Variants in RAB27A observed in about 807,000 individuals in gnomAD.
RAB27A encodes ras-related protein Rab-27A.
In RAB27A, 17 loss-of-function variants were observed where a neutral mutation model predicts 20.8. That is an observed-to-expected ratio of 0.82 (90% CI 0.56 to 1.23). The LOEUF (loss-of-function observed/expected upper bound fraction) is 1.23. Among genes scored for constraint, RAB27A ranks in the 50% most tolerant of loss-of-function variants. RAB27A has a pLI of 0.00. For missense variants in RAB27A, 277 were observed against 266.7 expected (o/e 1.04, Z -0.27); for synonymous variants, 85 against 92.8 (o/e 0.92, Z 0.48).
At chr15:55,292,155 C>T (rs745880429), upstream of RAB27A, among the ~76,000 whole-genome samples, 4 of 152,160 alleles carry the variant, frequency 2.6e-5, no homozygotes, top group Non-Finnish European at 4.4e-5. Context: ...GTGAATAACC[C>T]TGCAATGATG....
intron 2 of RAB27A, among the ~76,000 whole-genome samples, chr15:55,255,958 C>A (rs1217122480): frequency 6.6e-6 from 1 of 152,212 alleles, no homozygotes; most frequent in Non-Finnish European, 1.5e-5. Flanking sequence ...GTGAGCCAGA[C>A]AGCTTCCCCA....
At chr15:55,209,692 C>T (rs991225651) in intron 6 of RAB27A, among the ~76,000 whole-genome samples, 4 of 149,918 alleles carry the variant, frequency 2.7e-5, no homozygotes, top group Non-Finnish European at 5.9e-5. Flanking sequence ...AGAAAACTTA[C>T]ATAAAACTTT....
intron 6 of RAB27A, among the ~76,000 whole-genome samples, chr15:55,219,038 A>C (rs754139153): frequency 3.9e-5 from 6 of 151,956 alleles, no homozygotes; most frequent in African/African-American, 4.8e-5. Context: ...CACCATGCCC[A>C]GCTTTAGATC....
intron 1 of RAB27A, 21 bp downstream of exon 1, chr15:55,289,695 C>T (rs570865873): frequency 5.6e-4 from 85 of 152,992 alleles, no homozygotes; most frequent in South Asian, 1.2e-3. Flanking sequence ...CGCGCGCCTC[C>T]CGCTCCTCAG....
Position 55,228,533 on chromosome 15 carries a change from G to C in RAB27A, c.343+76C>G, listed in dbSNP as rs922635835. 4 of 1,124,076 alleles carry C rather than the reference G, an allele frequency of 3.6e-6. No individual in the cohort carries two copies. In the African/African-American group the frequency reaches 4.6e-5, roughly 13 times the overall value. 69.6% of individuals were successfully genotyped at this position (1,124,076 alleles called of 1,614,324 possible). A position where few individuals can be genotyped will look rare whatever the true frequency, so the allele number is the denominator to read the frequency against. ...ATCTCCTCCAAAACGATTTGTCACA[G>C]AAGTAGAGCATAAGAGGGCATTCTA... is the stretch of plus-strand genomic sequence containing the variant. On this transcript the variant is annotated intron_variant, in intron 5 of 6. Coordinates refer to ENST00000336787, the MANE Select transcript of RAB27A (RefSeq NM_183235.3).
intron 1 of RAB27A, among the ~76,000 whole-genome samples, chr15:55,315,996 G>A (rs1270109274): frequency 1.3e-5 from 2 of 152,130 alleles, no homozygotes; most frequent in South Asian, 2.1e-4. Flanking sequence ...CACTTTGGGA[G>A]GCCGAAGCAG....
upstream of RAB27A, among the ~76,000 whole-genome samples, chr15:55,293,893 G>A (rs2054935545): frequency 6.6e-6 from 1 of 152,036 alleles, no homozygotes; most frequent in African/African-American, 2.4e-5. Flanking sequence ...CTCCAGCTTG[G>A]GTGATGAGTG....
At chr15:55,231,102 A>C (rs953421742) in intron 3 of RAB27A, among the ~76,000 whole-genome samples, 1 of 152,202 alleles carries the variant, frequency 6.6e-6, no homozygotes, top group African/African-American at 2.4e-5. Flanking sequence ...TAATTCACTG[A>C]GGATAATGGT....
intron 2 of RAB27A, among the ~76,000 whole-genome samples, chr15:55,300,738 G>C (rs28445247): frequency 6.6e-6 from 1 of 152,024 alleles, no homozygotes; most frequent in Non-Finnish European, 1.5e-5. Context: ...TAAAGGCAGG[G>C]GGCGAGGGCA....
At chr15:55,230,799 T>C (rs1896001847) in intron 3 of RAB27A, among the ~76,000 whole-genome samples, 1 of 152,190 alleles carries the variant, frequency 6.6e-6, no homozygotes, top group Non-Finnish European at 1.5e-5. Flanking sequence ...AATATTACTT[T>C]TCTATGGCTT....
chr15:55,246,008 C>T lies in RAB27A; in HGVS notation c.-22-11052G>A, dbSNP rs554531653. ...GTGAGGCAGGAGAATTACTTGAATC[C>T]GGTAGGTTCACGGGCGATAATGCCA... On this transcript the variant is annotated intron_variant, in intron 2 of 6. Coordinates refer to ENST00000336787, the MANE Select transcript of RAB27A (RefSeq NM_183235.3). 1.7e-4 allele frequency among the ~76,000 whole-genome samples: 26 copies of T among 151,988 alleles called. No individual in the cohort carries two copies. The South Asian group carries it at 3.7e-3, about 22-fold the overall frequency.
chr15:55,315,378 A>T (rs2055038468), intron 1 of RAB27A, among the ~76,000 whole-genome samples: 1 of 152,244 alleles, frequency 6.6e-6, no homozygotes, highest in African/African-American at 2.4e-5. Context: ...AGGCCACCAA[A>T]AAGCAATTGC....
intron 1 of RAB27A, among the ~76,000 whole-genome samples, chr15:55,318,707 A>AC (rs1238800084): frequency 8.3e-6 from 1 of 121,112 alleles, no homozygotes; most frequent in African/African-American, 4.3e-5. Flanking sequence ...GTCTCAAAAA[A>AC]AAAAACAAAA....
chr15:55,205,136 A>T lies in RAB27A; in HGVS notation c.*371T>A, dbSNP rs564516213. 2.2e-4 allele frequency: 63 copies of T among 282,332 alleles called. No homozygotes were observed. Among genetic ancestry groups the T allele is most frequent in the African/African-American group, 1.3e-3 (57 of 44,764 alleles). 17.5% of individuals were successfully genotyped at this position (282,332 alleles called of 1,614,324 possible). A position where few individuals can be genotyped will look rare whatever the true frequency, so the allele number is the denominator to read the frequency against. On this transcript the variant is annotated 3_prime_UTR_variant, in exon 7 of 7. Transcript: ENST00000336787. ...TTTTATAACTGCATGTAAGATCTTA[A>T]ATGTAAGACTCTGGGCCTACCTACA...
rs60106785 is a variant in RAB27A at position 55,275,918 on chromosome 15, T to TAAAAAAAAAAAAAAAAAAAA, written c.-142-5654_-142-5635dup. Among the ~76,000 whole-genome samples, 3 of 104,142 alleles carry TAAAAAAAAAAAAAAAAAAAA rather than the reference T, an allele frequency of 2.9e-5. 1 individual carries two copies. The highest frequency in any genetic ancestry group is 5.5e-5 in the Non-Finnish European group (3 of 54,920). 68.3% of individuals were successfully genotyped at this position (104,142 alleles called of 152,430 possible). ...CCTCACATCTGCTAGGATGGCTAAT[T>TAAAAAAAAAAAAAAAAAAAA]AAAAAAAAAAAAAAAAAAAAAACAA... On this transcript the variant is annotated intron_variant, in intron 1 of 6. Transcript: ENST00000336787.
intron 2 of RAB27A, among the ~76,000 whole-genome samples, chr15:55,306,408 G>A (rs558499132): frequency 4.3e-4 from 65 of 152,172 alleles, no homozygotes; most frequent in African/African-American, 1.5e-3. Flanking sequence ...GTATGGGTAC[G>A]GAGGGTTTCA....
chr15:55,280,182 G>T (rs1267807324), intron 1 of RAB27A, among the ~76,000 whole-genome samples: 1 of 152,150 alleles, frequency 6.6e-6, no homozygotes, highest in African/African-American at 2.4e-5. Flanking sequence ...AATTTCCGAG[G>T]CTGTGCTGCC....
chr15:55,224,596 C>G (rs564330189), intron 5 of RAB27A, among the ~76,000 whole-genome samples: 4 of 152,140 alleles, frequency 2.6e-5, no homozygotes, highest in African/African-American at 9.7e-5. Flanking sequence ...GTCACCAGAG[C>G]CAAGTGGAAG....
intron 2 of RAB27A, among the ~76,000 whole-genome samples, chr15:55,306,683 TG>T (rs1052976558): frequency 1.3e-5 from 2 of 152,130 alleles, no homozygotes; most frequent in African/African-American, 4.8e-5. Flanking sequence ...GTGGGGCATA[TG>T]GGTGTGGGCG....
Sources: allele counts gnomAD v4.1 joint callset (sites outside exome capture counted in the v4.1 genomes callset), GRCh38; gene constraint gnomAD v4.1.1; transcripts MANE v1.5; gene names NCBI Gene and HGNC (gene_info 2026-07-23, HGNC 2026-07-21).